KIAA1217: variants seen among roughly 807,000 people sequenced by gnomAD.
KIAA1217 encodes the protein sickle tail protein homolog.
KIAA1217 carries 88 observed loss-of-function variants against 163.9 expected under a neutral mutation model. The observed-to-expected ratio is 0.54, with a 90% confidence interval of 0.45 to 0.64. The LOEUF (loss-of-function observed/expected upper bound fraction) is 0.64. Ranked by LOEUF, KIAA1217 falls within the 30% of genes least tolerant of loss-of-function variation. The pLI, the probability that KIAA1217 is intolerant of heterozygous loss-of-function variation, is 0.00. For missense variants in KIAA1217, 2,372 were observed against 2,475.0 expected (o/e 0.96, Z 0.88); for synonymous variants, 903 against 923.1 (o/e 0.98, Z 0.39).
At chr10:23,729,692 TA>T (rs1295121586) in intron 1 of KIAA1217, among the ~76,000 whole-genome samples, 2 of 152,226 alleles carry the variant, frequency 1.3e-5, no homozygotes, top group African/African-American at 4.8e-5. Context: ...TAAGCTGCCT[TA>T]TCAGATATGT....
intron 1 of KIAA1217, among the ~76,000 whole-genome samples, chr10:23,704,168 G>GTATA (rs1346283849): frequency 1.1e-4 from 7 of 63,280 alleles, no homozygotes; most frequent in African/African-American, 2.2e-4. Flanking sequence ...GTGTGTGTGT[G>GTATA]TGTGTATATA....
intron 2 of KIAA1217, among the ~76,000 whole-genome samples, chr10:24,095,180 C>G (rs941094133): frequency 6.6e-6 from 1 of 152,202 alleles, no homozygotes; most frequent in African/African-American, 2.4e-5. Flanking sequence ...TGACCCCTTG[C>G]GCTTCCCGAG....
intron 2 of KIAA1217, among the ~76,000 whole-genome samples, chr10:24,047,931 C>T (rs1484737998): frequency 6.6e-6 from 1 of 152,106 alleles, no homozygotes; most frequent in African/African-American, 2.4e-5. Flanking sequence ...TGGCTTTTTC[C>T]TAATAATAAG....
chr10:23,775,824 C>G (rs181305169), intron 1 of KIAA1217, among the ~76,000 whole-genome samples: 1 of 152,270 alleles, frequency 6.6e-6, no homozygotes, highest in Non-Finnish European at 1.5e-5. Context: ...CTGATTTGTA[C>G]TGCAAGACAT....
chr10:23,823,404 C>G (rs996579655), intron 1 of KIAA1217, among the ~76,000 whole-genome samples: 1 of 152,210 alleles, frequency 6.6e-6, no homozygotes, highest in African/African-American at 2.4e-5. Context: ...CCTTCTTACG[C>G]TTAGAATCTC....
chr10:24,462,817 G>A (rs74345373), intron 5 of KIAA1217, among the ~76,000 whole-genome samples: 12,451 of 152,224 alleles, frequency 0.082, 649 homozygotes, highest in East Asian at 0.18. Flanking sequence ...ATGGCAACAT[G>A]TGGTTGACAA....
chr10:24,296,172 T>C (rs780251612), intron 2 of KIAA1217, among the ~76,000 whole-genome samples: 1 of 152,072 alleles, frequency 6.6e-6, no homozygotes, highest in African/African-American at 2.4e-5. Flanking sequence ...GGCACAATCA[T>C]TGCTCACTGC....
At chr10:24,509,474 A>C (rs1399549014) in intron 9 of KIAA1217, among the ~76,000 whole-genome samples, 2 of 152,208 alleles carry the variant, frequency 1.3e-5, no homozygotes, top group Non-Finnish European at 2.9e-5. Context: ...CTCCTCTTCT[A>C]GTGGAGTAAG....
At chr10:23,942,405 A>G (rs1223674249) in intron 1 of KIAA1217, among the ~76,000 whole-genome samples, 1 of 152,254 alleles carries the variant, frequency 6.6e-6, no homozygotes, top group East Asian at 1.9e-4. Flanking sequence ...ATAACAACAG[A>G]AATTGTAAAA....
At chr10:24,112,428 G>A (rs540832884) in intron 2 of KIAA1217, among the ~76,000 whole-genome samples, 32 of 152,194 alleles carry the variant, frequency 2.1e-4, no homozygotes, top group East Asian at 1.4e-3. Flanking sequence ...GCCTGGTGTC[G>A]TGGACTGAAT....
At chr10:24,184,121 A>G (rs532505832) in intron 2 of KIAA1217, among the ~76,000 whole-genome samples, 2 of 152,216 alleles carry the variant, frequency 1.3e-5, no homozygotes, top group Non-Finnish European at 2.9e-5. Flanking sequence ...TTTAGCTTTC[A>G]ACAGAGCCAG....
chr10:24,024,341 T>G (rs896660413), intron 2 of KIAA1217, among the ~76,000 whole-genome samples: 7 of 151,630 alleles, frequency 4.6e-5, no homozygotes, highest in Non-Finnish European at 1.0e-4. Context: ...AATCATAAAG[T>G]TGGGTAGTCT....
intron 2 of KIAA1217, among the ~76,000 whole-genome samples, chr10:24,023,547 T>C (rs575744340): frequency 2.0e-5 from 3 of 151,634 alleles, no homozygotes; most frequent in Non-Finnish European, 4.4e-5. Context: ...TCGATATATA[T>C]GCAATTTCTG....
chr10:24,328,927 C>T (rs750629660), intron 2 of KIAA1217, among the ~76,000 whole-genome samples: 11 of 151,546 alleles, frequency 7.3e-5, no homozygotes, highest in Admixed American at 2.0e-4. Flanking sequence ...TTATAGGGTT[C>T]GCCAGTAGCA....
Position 24,498,232 on chromosome 10 carries a change from G to A in KIAA1217, c.1834+3036G>A, listed in dbSNP as rs149209351. ...GTGGACCCAGGGACACAACATATCA[G>A]GATTTAAAAGGTTGGCAGAGGAAGG... On this transcript the variant is annotated intron_variant, in intron 8 of 20. Transcript: ENST00000376454. Among the ~76,000 whole-genome samples the A allele has an allele frequency of 5.4e-4, 82 of 152,232 alleles. 1 individual carries two copies. The East Asian group carries it at 0.015, about 28-fold the overall frequency.
intron 2 of KIAA1217, among the ~76,000 whole-genome samples, chr10:24,357,123 G>A (rs903562387): frequency 5.9e-5 from 9 of 152,014 alleles, no homozygotes; most frequent in Non-Finnish European, 8.8e-5. Flanking sequence ...CTCGTACCAC[G>A]GCCAGCCATT....
intron 2 of KIAA1217, among the ~76,000 whole-genome samples, chr10:24,170,358 T>A (rs2131911768): frequency 6.6e-6 from 1 of 152,302 alleles, no homozygotes; most frequent in South Asian, 2.1e-4. Flanking sequence ...TTTTCAAGTA[T>A]CTCCGTTGTT....
intron 2 of KIAA1217, among the ~76,000 whole-genome samples, chr10:24,149,533 C>A (rs1378465276): frequency 6.6e-6 from 1 of 151,148 alleles, no homozygotes; most frequent in Non-Finnish European, 1.5e-5. Context: ...CATAAACAGG[C>A]ATCAGATGTT....
intron 14 of KIAA1217, among the ~76,000 whole-genome samples, chr10:24,530,197 C>T (rs1258015998): frequency 6.6e-6 from 1 of 152,178 alleles, no homozygotes; most frequent in Non-Finnish European, 1.5e-5. Flanking sequence ...TGTTCCTTCT[C>T]ATGATTGAAC....
Sources: allele counts gnomAD v4.1 joint callset (sites outside exome capture counted in the v4.1 genomes callset), GRCh38; gene constraint gnomAD v4.1.1; transcripts MANE v1.5; gene names NCBI Gene and HGNC (gene_info 2026-07-23, HGNC 2026-07-21).